Variants in HAS3 observed in about 807,000 individuals in gnomAD.
The protein encoded by HAS3 is hyaluronan synthase 3.
HAS3 carries 27 observed loss-of-function variants against 50.3 expected under a neutral mutation model. The ratio of observed to expected loss-of-function variants is 0.54; its 90% CI spans 0.40 to 0.74. HAS3 has a LOEUF of 0.74. Ranked by LOEUF, HAS3 falls within the 30% of genes least tolerant of loss-of-function variation. The pLI, the probability that HAS3 is intolerant of heterozygous loss-of-function variation, is 0.00. For synonymous variants in HAS3, 339 were observed against 310.9 expected (o/e 1.09, Z -0.95); for missense variants, 517 against 742.8 (o/e 0.70, Z 3.53).
Position 69,109,271 on chromosome 16 carries a change from C to A in HAS3, c.1-125C>A. The stretch of plus-strand genomic sequence containing the variant: ...GCTTCTGAGTCTACCAAGTCTTATG[C>A]TCAGTAAGCGGTAACGGTTTTGATC... On this transcript the variant is annotated intron_variant, in intron 1 of 3. Coordinates refer to ENST00000569188, the MANE Select transcript of HAS3 (RefSeq NM_001199280.2). This position sits in a 1 kb window ranked among gnomAD's most constrained non-coding sequence, Gnocchi z 5.3. The A allele has an allele frequency of 1.0e-6, 1 of 954,736 alleles. No individual in the cohort carries two copies. Among genetic ancestry groups the A allele is most frequent in the Non-Finnish European group, 1.5e-6 (1 of 654,340 alleles). The allele number at this position is 954,736 out of a possible 1,614,324, so 59.1% of individuals were successfully genotyped here.
At chr16:69,092,314 A>G in the HAS3 span, among the ~76,000 whole-genome samples, 1 of 152,194 alleles carries the variant, frequency 6.6e-6, no homozygotes, top group African/African-American at 2.4e-5. Flanking sequence ...GTGTGGATAA[A>G]GAAAGTGGTT....
Position 69,115,300 on chromosome 16 carries a change from G to C in HAS3, c.*34G>C. 1 of 1,502,356 alleles carries C rather than the reference G, an allele frequency of 6.7e-7. No individual in the cohort carries two copies. Among genetic ancestry groups the C allele is most frequent in the Non-Finnish European group, 8.9e-7 (1 of 1,129,302 alleles). The allele number at this position is 1,502,356 out of a possible 1,614,324, so 93.1% of individuals were successfully genotyped here. ...CCAAGCAGAGCGGGTAAAGTGCAAT[G>C]GGTAAGGGAGGGAAGGGGAATGGAA... is the stretch of plus-strand genomic sequence containing the variant. On this transcript the variant is annotated 3_prime_UTR_variant, in exon 4 of 4. Transcript: ENST00000569188.
At chr16:69,104,532 G>A (rs753285263), upstream of HAS3, among the ~76,000 whole-genome samples, 18 of 152,240 alleles carry the variant, frequency 1.2e-4, no homozygotes, top group East Asian at 1.2e-3. Flanking sequence ...TTCTGACCTC[G>A]TGATCCGCCC....
chr16:69,113,947 A>G (rs1408541960), intron 3 of HAS3, among the ~76,000 whole-genome samples: 1 of 152,192 alleles, frequency 6.6e-6, no homozygotes, highest in Non-Finnish European at 1.5e-5. Flanking sequence ...TGCCAGAGAT[A>G]CTGAAGCAGC....
the HAS3 span, among the ~76,000 whole-genome samples, chr16:69,094,857 G>A: frequency 1.3e-5 from 2 of 152,024 alleles, no homozygotes; most frequent in Non-Finnish European, 2.9e-5. Flanking sequence ...GACTCATCTC[G>A]TCCATCTGAT....
the HAS3 span, chr16:69,083,666 G>A: frequency 6.4e-7 from 1 of 1,554,432 alleles, no homozygotes; most frequent in Non-Finnish European, 8.7e-7. Context: ...CCGTAGACCT[G>A]GCTCCAAGGA....
chr16:69,115,388 G>C lies in HAS3; in HGVS notation c.*122G>C. The C allele has an allele frequency of 7.2e-7, 1 of 1,398,248 alleles. No individual in the cohort carries two copies. Among genetic ancestry groups the C allele is most frequent in the Non-Finnish European group, 9.3e-7 (1 of 1,080,794 alleles). 86.6% of individuals were successfully genotyped at this position (1,398,248 alleles called of 1,614,324 possible). On this transcript the variant is annotated 3_prime_UTR_variant, in exon 4 of 4. Transcript: ENST00000569188. ...GTTTTAGTCTCTTAATGGTCCAAAG[G>C]ACAAATCTAAAATGCAAAGAACGGT... is the stretch of plus-strand genomic sequence containing the variant.
chr16:69,083,586 A>G, the HAS3 span: 1 of 1,601,894 alleles, frequency 6.2e-7, no homozygotes, highest in South Asian at 1.1e-5. Flanking sequence ...TGGCCCTAGA[A>G]GAGCTGGATG....
At position 69,114,612 on chromosome 16, in the gene HAS3, C is replaced by G. The variant is rs1279211308; in HGVS notation, c.1008C>G (p.Arg336=). The G allele has an allele frequency of 4.3e-6, 7 of 1,613,960 alleles. No individual in the cohort carries two copies. The Admixed American group carries it at 1.0e-4, about 23-fold the overall frequency. ...SLGYRTKYTA[R]SKCLTETPTK... ...GCTACCGAACTAAGTATACCGCGCG[C>G]TCCAAGTGCCTCACAGAGACCCCCA... Residue 336 remains arginine (R), a synonymous_variant, in exon 4 of 4, where the codon CGC becomes CGG. Coordinates refer to ENST00000569188, the MANE Select transcript of HAS3 (RefSeq NM_001199280.2). The surrounding 1 kb of genome is among the most constrained non-coding windows in gnomAD (Gnocchi z 6.4).
chr16:69,092,600 CAAAA>C, the HAS3 span, among the ~76,000 whole-genome samples: 2 of 99,386 alleles, frequency 2.0e-5, no homozygotes. Flanking sequence ...AACTCCGTCT[CAAAA>C]AAAAAAAAAA....
At position 69,114,077 on chromosome 16, in the gene HAS3, G is replaced by A. The variant is rs1227797159; in HGVS notation, c.739-266G>A. Among the ~76,000 whole-genome samples the A allele has an allele frequency of 4.6e-5, 7 of 152,194 alleles. No individual in the cohort carries two copies. Among genetic ancestry groups the A allele is most frequent in the Non-Finnish European group, 7.3e-5 (5 of 68,032 alleles). On this transcript the variant is annotated intron_variant, in intron 3 of 3. Transcript: ENST00000569188. The surrounding 1 kb of genome is among the most constrained non-coding windows in gnomAD (Gnocchi z 6.4). ...CCACCACAGGCTGCCTCCTGAGACC[G>A]AAGGTGGCTTTGACTGCTAGAGCCA... is the stretch of plus-strand genomic sequence containing the variant.
rs888040208 is a variant in HAS3, at chr16:69,107,517, C to T, written c.-1+1730C>T. 7.3e-5 allele frequency: 72 copies of T among 984,132 alleles called. No individual in the cohort carries two copies. Among genetic ancestry groups the T allele is most frequent in the Non-Finnish European group, 8.6e-5 (71 of 828,796 alleles). The allele number at this position is 984,132 out of a possible 1,614,324, so 61.0% of individuals were successfully genotyped here. A position where few individuals can be genotyped will look rare whatever the true frequency, so the allele number is the denominator to read the frequency against. The stretch of plus-strand genomic sequence containing the variant: ...GCCGCCTTTGCCAAGAGGCGAGGCT[C>T]GAGCGGGGATGAGAAGCGTGGCGAG... On this transcript the variant is annotated intron_variant, in intron 1 of 3. Coordinates refer to ENST00000569188, the MANE Select transcript of HAS3 (RefSeq NM_001199280.2). This position sits in a 1 kb window ranked among gnomAD's most constrained non-coding sequence, Gnocchi z 5.5.
At chr16:69,111,157 ATTTTTTT>A (rs71148963) in intron 2 of HAS3, among the ~76,000 whole-genome samples, 35 of 62,298 alleles carry the variant, frequency 5.6e-4, no homozygotes, top group South Asian at 5.1e-3. Context: ...CTAGGCCAGG[ATTTTTTT>A]TTTTTTTTTT....
At chr16:69,113,570 G>C in intron 3 of HAS3, 28 bp downstream of exon 3, 1 of 1,317,798 alleles carries the variant, frequency 7.6e-7, no homozygotes, top group South Asian at 1.2e-5. Context: ...ATATCTGTGG[G>C]GAGGGGTCTG....
chr16:69,108,178 C>G (rs1306068324), intron 1 of HAS3, among the ~76,000 whole-genome samples: 1 of 152,158 alleles, frequency 6.6e-6, no homozygotes, highest in African/African-American at 2.4e-5. Flanking sequence ...TCCTTGCCAC[C>G]TTTTCTTTCC....
At position 69,111,039 on chromosome 16, in the gene HAS3, G is replaced by A. The variant is rs775680356; in HGVS notation, c.636+1008G>A. 2.6e-5 allele frequency among the ~76,000 whole-genome samples: 4 copies of A among 151,122 alleles called. No homozygotes were observed. The South Asian group carries it at 8.4e-4, about 32-fold the overall frequency. ...AATCACTGACATAAGCCTGGAAATT[G>A]TACTAGGTTGATATGGTTTCCATCT... On this transcript the variant is annotated intron_variant, in intron 2 of 3. Transcript: ENST00000569188.
At chr16:69,097,893 C>A in the HAS3 span, among the ~76,000 whole-genome samples, 1 of 152,180 alleles carries the variant, frequency 6.6e-6, no homozygotes, top group Non-Finnish European at 1.5e-5. Context: ...GCAGACTCCG[C>A]CTTTCCCTGC....
upstream of HAS3, among the ~76,000 whole-genome samples, chr16:69,103,472 T>A (rs1239232146): frequency 1.3e-5 from 2 of 152,196 alleles, no homozygotes; most frequent in East Asian, 3.9e-4. Flanking sequence ...CTCGGCTCAC[T>A]GCAACCTCTG....
rs1022314308 is a variant in HAS3 at position 69,117,190 on chromosome 16, A to C, written c.*1924A>C. 1.3e-5 allele frequency: 13 copies of C among 985,762 alleles called. No individual in the cohort carries two copies. The African/African-American group carries it at 2.3e-4, about 17-fold the overall frequency. The allele number at this position is 985,762 out of a possible 1,614,324, so 61.1% of individuals were successfully genotyped here. A position where few individuals can be genotyped will look rare whatever the true frequency, so the allele number is the denominator to read the frequency against. ...CTATTTTGAGCATTAGAATGGAGGA[A>C]ATCCGGTCAGCCAAGTGCAGAGTTC... is the stretch of plus-strand genomic sequence containing the variant. On this transcript the variant is annotated 3_prime_UTR_variant, in exon 4 of 4. Transcript: ENST00000569188.
Sources: allele counts gnomAD v4.1 joint callset (sites outside exome capture counted in the v4.1 genomes callset), GRCh38; gene constraint gnomAD v4.1.1; non-coding constraint Gnocchi (gnomAD v3.1); transcripts MANE v1.5; gene names NCBI Gene and HGNC (gene_info 2026-07-23, HGNC 2026-07-21).